Variants in SLC2A9 observed in about 807,000 individuals in gnomAD.
The protein encoded by SLC2A9 is solute carrier family 2 member 9, also known as solute carrier family 2, facilitated glucose transporter member 9.
Under a neutral mutation model 50.6 loss-of-function variants are expected in SLC2A9, and 39 were observed. The observed-to-expected ratio is 0.77, with a 90% CI of 0.60 to 1.01. The LOEUF is 1.01. Ranked by LOEUF, SLC2A9 falls within the 50% of genes least tolerant of loss-of-function variation. The pLI, the probability that SLC2A9 is intolerant of heterozygous loss-of-function variation, is 0.00. For synonymous variants in SLC2A9, 324 were observed against 276.9 expected, an observed-to-expected ratio of 1.17 and a Z score of -1.69; for missense variants, 686 against 677.6, an observed-to-expected ratio of 1.01 and a Z score of -0.14.
chr4:9,939,749 A>C (rs1747776634), intron 6 of SLC2A9, among the ~76,000 whole-genome samples: 1 of 152,090 alleles, frequency 6.6e-6, no homozygotes, highest in Non-Finnish European at 1.5e-5. Flanking sequence ...CATCTCCCTT[A>C]ACTAGACCTT....
chr4:10,000,115 TTCTGG>T (rs1487099168), intron 2 of SLC2A9, among the ~76,000 whole-genome samples: 6 of 150,958 alleles, frequency 4.0e-5, no homozygotes, highest in African/African-American at 9.8e-5. Flanking sequence ...TTCTCTTTCT[TTCTGG>T]ATTCACAACT....
intron 8 of SLC2A9, among the ~76,000 whole-genome samples, chr4:9,896,200 C>A (rs1738531776): frequency 6.6e-6 from 1 of 152,166 alleles, no homozygotes; most frequent in African/African-American, 2.4e-5. Context: ...GGGGTTGTGC[C>A]ATTTTATGTT....
downstream of SLC2A9, among the ~76,000 whole-genome samples, chr4:9,795,007 C>CTTTTT (rs3060726): frequency 0.47 from 44,831 of 94,618 alleles, 11,956 homozygotes; most frequent in Non-Finnish European, 0.58. Context: ...TTAACCCATC[C>CTTTTT]TTTTTTTTTT....
intron 3 of SLC2A9, chr4:9,782,736 T>C: frequency 6.2e-7 from 1 of 1,613,932 alleles, no homozygotes; most frequent in South Asian, 1.1e-5. Context: ...AGCTTCTACA[T>C]CCCCGTTGCC....
intron 7 of SLC2A9, among the ~76,000 whole-genome samples, chr4:9,910,554 G>T (rs906954512): frequency 6.6e-6 from 1 of 152,198 alleles, no homozygotes; most frequent in Non-Finnish European, 1.5e-5. Flanking sequence ...CTGCCAGGCT[G>T]TCACCCATGT....
chr4:10,002,762 G>A (rs1321660905), intron 2 of SLC2A9, among the ~76,000 whole-genome samples: 2 of 152,144 alleles, frequency 1.3e-5, no homozygotes, highest in Non-Finnish European at 2.9e-5. Context: ...CTGAGGCTGG[G>A]GAATATCTTG....
chr4:9,911,430 G>T (rs1410445647), intron 7 of SLC2A9, among the ~76,000 whole-genome samples: 1 of 152,150 alleles, frequency 6.6e-6, no homozygotes, highest in Non-Finnish European at 1.5e-5. Flanking sequence ...TATTTGATTG[G>T]ACAGTTTGAG....
At chr4:10,026,765 C>T (rs546976014) in intron 1 of SLC2A9, among the ~76,000 whole-genome samples, 12 of 152,182 alleles carry the variant, frequency 7.9e-5, no homozygotes, top group Non-Finnish European at 1.3e-4. Context: ...AGACACAGGC[C>T]GGGCATGGTG....
At chr4:9,950,892 CAAAAAA>C (rs764863059) in intron 5 of SLC2A9, among the ~76,000 whole-genome samples, 25 of 11,542 alleles carry the variant, frequency 2.2e-3, no homozygotes, top group East Asian at 0.026. Context: ...GACTCCGTCT[CAAAAAA>C]AAAAAAAAAA....
intron 8 of SLC2A9, among the ~76,000 whole-genome samples, chr4:9,891,657 A>G (rs1737458034): frequency 1.3e-5 from 2 of 152,220 alleles, no homozygotes; most frequent in Non-Finnish European, 2.9e-5. Context: ...AACAGCAGAC[A>G]TCACAGAGCA....
chr4:9,826,667 A>C, intron 11 of SLC2A9, 67 bp from the exon 12 acceptor site: 1 of 1,455,834 alleles, frequency 6.9e-7, no homozygotes, highest in Non-Finnish European at 9.6e-7. Context: ...AACCATCTCT[A>C]CACAGATTTT....
At chr4:9,782,623 C>T (rs763947953) in intron 3 of SLC2A9, 5 of 1,613,908 alleles carry the variant, frequency 3.1e-6, no homozygotes, top group South Asian at 1.1e-5. Context: ...ACAACCTGGC[C>T]AACTGGACGC....
chr4:9,934,904 G>A (rs1207503365), intron 6 of SLC2A9, among the ~76,000 whole-genome samples: 4 of 152,128 alleles, frequency 2.6e-5, no homozygotes, highest in African/African-American at 4.8e-5. Flanking sequence ...GAGAGCATGC[G>A]GTGTTTGGTT....
chr4:9,933,666 G>C (rs1333471850), intron 6 of SLC2A9, among the ~76,000 whole-genome samples: 2 of 152,212 alleles, frequency 1.3e-5, no homozygotes. Context: ...ACTTCCTCTT[G>C]CTGCTACAGC....
intron 5 of SLC2A9, among the ~76,000 whole-genome samples, chr4:9,949,992 G>T (rs1187223993): frequency 6.6e-6 from 1 of 152,104 alleles, no homozygotes; most frequent in African/African-American, 2.4e-5. Flanking sequence ...TGCCTCCTGG[G>T]AAGGACCCTG....
chr4:9,787,846 C>A (rs577698996), intron 3 of SLC2A9, among the ~76,000 whole-genome samples: 10 of 152,284 alleles, frequency 6.6e-5, no homozygotes, highest in African/African-American at 2.4e-4. Context: ...TAGCTCATGG[C>A]ATGAGGGGCA....
At chr4:9,778,596 T>A (rs1185487899), downstream of SLC2A9, among the ~76,000 whole-genome samples, 3 of 152,160 alleles carry the variant, frequency 2.0e-5, no homozygotes, top group Admixed American at 1.3e-4. Flanking sequence ...TGCTCTTTAT[T>A]GGGAAGACAA....
At chr4:9,882,592 C>T (rs989540520) in intron 10 of SLC2A9, among the ~76,000 whole-genome samples, 2 of 151,878 alleles carry the variant, frequency 1.3e-5, no homozygotes, top group Non-Finnish European at 2.9e-5. Context: ...GCCTGCAGTC[C>T]CAGCTTCTTG....
intron 5 of SLC2A9, among the ~76,000 whole-genome samples, chr4:9,972,071 C>T (rs752000457): frequency 3.4e-4 from 51 of 152,188 alleles, no homozygotes; most frequent in Non-Finnish European, 3.5e-4. Context: ...TACTATGGCA[C>T]ACCTATGCCA....
Sources: gnomAD v4.1 joint callset for allele counts (sites outside exome capture counted in the v4.1 genomes callset) on GRCh38, gnomAD v4.1.1 for gene constraint, MANE v1.5 for transcripts, NCBI Gene and HGNC (gene_info 2026-07-23, HGNC 2026-07-21) for gene names.